The following BMPR1B variants were observed in gnomAD, a reference collection of about 807,000 sequenced individuals.
BMPR1B encodes the protein bone morphogenetic protein receptor type-1B.
Under a neutral mutation model 59.1 loss-of-function variants are expected in BMPR1B, and 12 were observed. That is an observed-to-expected ratio of 0.20 (90% CI 0.13 to 0.33). The LOEUF is 0.33. Among genes scored for constraint, BMPR1B ranks in the 10% least tolerant of loss-of-function variants. The pLI, the probability that BMPR1B is intolerant of heterozygous loss-of-function variation, is 1.00. For synonymous variants in BMPR1B, 237 were observed against 207.3 expected (o/e 1.14, Z -1.23); for missense variants, 550 against 610.9 (o/e 0.90, Z 1.05).
intron 2 of BMPR1B, among the ~76,000 whole-genome samples, chr4:94,883,490 C>T (rs1193520088): frequency 1.3e-5 from 2 of 152,088 alleles, no homozygotes; most frequent in African/African-American, 4.8e-5. Context: ...TTGTTGTTTA[C>T]ACCCTTTCTC....
intron 3 of BMPR1B, among the ~76,000 whole-genome samples, chr4:95,017,592 A>G (rs1369576984): frequency 6.6e-6 from 1 of 152,228 alleles, no homozygotes; most frequent in Admixed American, 6.5e-5. Context: ...TGTTTCCTAG[A>G]CAGATGAATC....
intron 3 of BMPR1B, among the ~76,000 whole-genome samples, chr4:95,041,120 C>T (rs1289040018): frequency 6.6e-6 from 1 of 152,166 alleles, no homozygotes; most frequent in Non-Finnish European, 1.5e-5. Flanking sequence ...GATCATGGCT[C>T]CCTGCAGCCT....
At chr4:94,874,918 G>A (rs111705068) in intron 1 of BMPR1B, among the ~76,000 whole-genome samples, 16,935 of 152,100 alleles carry the variant, frequency 0.11, 999 homozygotes, top group Non-Finnish European at 0.14. Flanking sequence ...GCGTGAACCC[G>A]GGAGGCAGAG....
chr4:94,881,347 T>G (rs775694140), intron 2 of BMPR1B, among the ~76,000 whole-genome samples: 9 of 152,184 alleles, frequency 5.9e-5, no homozygotes, highest in Non-Finnish European at 1.0e-4. Context: ...GGTTTTGGTG[T>G]TTCCTCATGA....
chr4:94,762,858 G>GTTT (rs372347404), intron 1 of BMPR1B, among the ~76,000 whole-genome samples: 1 of 141,418 alleles, frequency 7.1e-6, no homozygotes. Context: ...ATCAGTTTTT[G>GTTT]TTTTTTTTTT....
At chr4:94,994,110 T>A (rs1721914041) in intron 2 of BMPR1B, among the ~76,000 whole-genome samples, 1 of 152,216 alleles carries the variant, frequency 6.6e-6, no homozygotes, top group Non-Finnish European at 1.5e-5. Flanking sequence ...TGTAAATGGT[T>A]ACATAATTTT....
intron 2 of BMPR1B, among the ~76,000 whole-genome samples, chr4:94,942,578 C>T (rs1018904015): frequency 6.6e-6 from 1 of 152,088 alleles, no homozygotes; most frequent in African/African-American, 2.4e-5. Context: ...GGAGGGTTTG[C>T]CTTGAGTTAT....
intron 8 of BMPR1B, among the ~76,000 whole-genome samples, chr4:95,126,840 C>T (rs1306841880): frequency 1.3e-5 from 2 of 151,920 alleles, no homozygotes; most frequent in African/African-American, 2.4e-5. Flanking sequence ...GAGTGAATAC[C>T]TCATCTTAAC....
chr4:94,949,308 C>CTTTTTTT (rs1216699208), intron 2 of BMPR1B, among the ~76,000 whole-genome samples: 2,563 of 82,036 alleles, frequency 0.031, 586 homozygotes, highest in African/African-American at 0.11. Flanking sequence ...TGAACTCATT[C>CTTTTTTT]TTTTTTTTTT....
At chr4:94,830,989 C>T (rs1053614910) in intron 1 of BMPR1B, among the ~76,000 whole-genome samples, 3 of 152,068 alleles carry the variant, frequency 2.0e-5, no homozygotes, top group Non-Finnish European at 2.9e-5. Flanking sequence ...GGAATGTACT[C>T]CTACTAATTA....
rs1735389417 is a variant in BMPR1B, at chr4:95,155,900, A to T, written c.*1227A>T. The T allele has an allele frequency of 6.6e-6, 1 of 152,200 alleles. No individual in the cohort carries two copies. Among genetic ancestry groups the T allele is most frequent in the Non-Finnish European group, 1.5e-5 (1 of 68,014 alleles). 9.4% of individuals were successfully genotyped at this position (152,200 alleles called of 1,614,324 possible). A position where few individuals can be genotyped will look rare whatever the true frequency, so the allele number is the denominator to read the frequency against. The stretch of plus-strand genomic sequence containing the variant: ...AAACATAACCTCTAGATGGGACAGC[A>T]GAGGACAGTTAGTAGAGGCCACAAA... On this transcript the variant is annotated 3_prime_UTR_variant, in exon 13 of 13. Coordinates refer to ENST00000515059, the MANE Select transcript of BMPR1B (RefSeq NM_001203.3).
chr4:95,145,465 G>A (rs1434539), intron 10 of BMPR1B, among the ~76,000 whole-genome samples: 69,762 of 152,066 alleles, frequency 0.46, 17,554 homozygotes, highest in Admixed American at 0.59. Context: ...GGAACTTTCC[G>A]TCTGTTGTAC....
chr4:94,964,926 A>G (rs543394046), intron 2 of BMPR1B, among the ~76,000 whole-genome samples: 2 of 152,288 alleles, frequency 1.3e-5, no homozygotes, highest in African/African-American at 4.8e-5. Context: ...GTATTCTCCT[A>G]CCAGAGTACC....
chr4:94,762,895 G>C (rs1377476021), intron 1 of BMPR1B, among the ~76,000 whole-genome samples: 1 of 151,300 alleles, frequency 6.6e-6, no homozygotes, highest in Non-Finnish European at 1.5e-5. Flanking sequence ...CTGGGGGTGT[G>C]CCAGGATCTA....
chr4:95,046,783 A>G (rs568854387), intron 3 of BMPR1B, among the ~76,000 whole-genome samples: 16 of 152,182 alleles, frequency 1.1e-4, no homozygotes, highest in African/African-American at 3.6e-4. Context: ...CTCCTTTGGT[A>G]TATAAATTAA....
chr4:95,021,793 T>C (rs1459987096), intron 3 of BMPR1B, among the ~76,000 whole-genome samples: 1 of 152,242 alleles, frequency 6.6e-6, no homozygotes, highest in Non-Finnish European at 1.5e-5. Flanking sequence ...ACACTATTAA[T>C]GCTGCTTGGA....
chr4:95,000,438 G>A (rs185826454), intron 3 of BMPR1B, among the ~76,000 whole-genome samples: 17 of 151,914 alleles, frequency 1.1e-4, no homozygotes, highest in Non-Finnish European at 1.5e-4. Context: ...TCCAGGAGGC[G>A]GAGTTTGCAG....
intron 2 of BMPR1B, among the ~76,000 whole-genome samples, chr4:94,981,199 A>G (rs1022060869): frequency 2.4e-5 from 2 of 84,118 alleles, no homozygotes; most frequent in Non-Finnish European, 4.6e-5. Context: ...AATTTCATAA[A>G]TTTATCCTTT....
At position 95,157,036 on chromosome 4, in the gene BMPR1B, A is replaced by G. The variant is rs1346848040; in HGVS notation, c.*2363A>G. 1 of 152,192 alleles carries G rather than the reference A, an allele frequency of 6.6e-6. No homozygotes were observed. Among genetic ancestry groups the G allele is most frequent in the Non-Finnish European group, 1.5e-5 (1 of 68,004 alleles). 9.4% of individuals were successfully genotyped at this position (152,192 alleles called of 1,614,324 possible). On this transcript the variant is annotated 3_prime_UTR_variant, in exon 13 of 13. Transcript: ENST00000515059. Reference sequence around the variant, plus strand: ...TAAATACTTGAACGTGGATAACGTCAAATCAGAATATTTTGTGAGGAGGTG... The same window carrying G: ...TAAATACTTGAACGTGGATAACGTCGAATCAGAATATTTTGTGAGGAGGTG...
Sources: allele counts gnomAD v4.1 joint callset (sites outside exome capture counted in the v4.1 genomes callset), GRCh38; gene constraint gnomAD v4.1.1; transcripts MANE v1.5; gene names NCBI Gene and HGNC (gene_info 2026-07-23, HGNC 2026-07-21).